SH3D21: variants seen among roughly 807,000 people sequenced by gnomAD.
The protein encoded by SH3D21 is manchette microtubule inner protein 1.
SH3D21 carries 83 observed loss-of-function variants against 82.1 expected under a neutral mutation model. The ratio of observed to expected loss-of-function variants is 1.01; its 90% CI spans 0.85 to 1.21. The LOEUF (loss-of-function observed/expected upper bound fraction) is 1.21, where lower values mean the gene tolerates loss of function less well. SH3D21 is among the 50% of genes most tolerant of loss of function. SH3D21 has a pLI of 0.00. For missense variants in SH3D21, 980 were observed against 962.1 expected, an observed-to-expected ratio of 1.02 and a Z score of -0.25; for synonymous variants, 383 against 387.8, an observed-to-expected ratio of 0.99 and a Z score of 0.15.
chr1:36,321,923 T>A, downstream of SH3D21: 1 of 994,874 alleles, frequency 1.0e-6, no homozygotes, highest in South Asian at 4.3e-5. The surrounding 1 kb of genome is among the most constrained non-coding windows in gnomAD (Gnocchi z 6.1). Flanking sequence ...TGGGTGGGGG[T>A]GGTGCAGCTA....
At chr1:36,315,354 T>G (rs1327922733) in intron 10 of SH3D21, among the ~76,000 whole-genome samples, 1 of 151,970 alleles carries the variant, frequency 6.6e-6, no homozygotes, top group Non-Finnish European at 1.5e-5. Flanking sequence ...GGATTTTTCT[T>G]TTTCTTTTGC....
At chr1:36,315,910 C>T (rs944464331) in intron 10 of SH3D21, among the ~76,000 whole-genome samples, 4 of 152,210 alleles carry the variant, frequency 2.6e-5, no homozygotes, top group Admixed American at 2.6e-4. Flanking sequence ...ATTTCTTTTT[C>T]AAGAATGCTA....
At chr1:36,322,382 G>A (rs761698911), downstream of SH3D21, 5 of 1,594,764 alleles carry the variant, frequency 3.1e-6, no homozygotes, top group South Asian at 1.1e-5. Context: ...GCTGCCCGGT[G>A]CGCCAGATCT....
downstream of SH3D21, chr1:36,321,466 CG>C: frequency 9.8e-7 from 1 of 1,025,106 alleles, no homozygotes; most frequent in East Asian, 5.0e-5. The surrounding 1 kb of genome is among the most constrained non-coding windows in gnomAD (Gnocchi z 6.1). Flanking sequence ...CAGGCGGGGT[CG>C]GGCTCTTGAC....
chr1:36,322,899 G>A (rs1385786924), downstream of SH3D21: 2 of 1,575,182 alleles, frequency 1.3e-6, no homozygotes, highest in African/African-American at 1.4e-5. Context: ...GGACGGACAA[G>A]GCGCTGGGGA....
Position 36,320,785 on chromosome 1 carries a change from G to A in SH3D21, c.2122G>A (p.Glu708Lys). ...ESLRRALELM[E>K]VQLERKLTDI... ...TCTAAGGAGGGCGCTGGAGCTGATG[G>A]AGGTGCAGCTGGAGTGAGTGGGCAG... The change falls in exon 14 of 16, where the codon GAG (glutamate) becomes AAG (lysine). Residue 708 changes from glutamate to lysine, a missense_variant. Physicochemically the swap from Glu to Lys is moderately conservative, Grantham distance 56. Coordinates refer to ENST00000453908, the MANE Select transcript of SH3D21 (RefSeq NM_001162530.2). 6.4e-7 allele frequency: 1 copy of A among 1,572,010 alleles called. No individual in the cohort carries two copies. The highest frequency in any genetic ancestry group is 8.6e-7 in the Non-Finnish European group (1 of 1,158,474).
In SH3D21 at chr1:36,319,952, A is replaced by C. The variant is rs573685250; in HGVS notation, c.1289A>C (p.Glu430Ala). 2 of 1,614,126 alleles carry C rather than the reference A, an allele frequency of 1.2e-6. No individual in the cohort carries two copies. The highest frequency in any genetic ancestry group is 1.7e-6 in the Non-Finnish European group (2 of 1,180,020). ...VTPEDKASIPENSIIPEETLT... is the reference protein window; with the variant it reads ...VTPEDKASIPANSIIPEETLT... ...CCGGAGGACAAGGCTTCTATCCCAG[A>C]GAACTCCATCATCCCAGAGGAGACC... Residue 430 changes from glutamate (E) to alanine (A), a missense_variant, in exon 14 of 16, where the codon GAG (glutamate) becomes GCG (alanine). By Grantham distance (107) the Glu-to-Ala change is moderately radical. Coordinates refer to ENST00000453908, the MANE Select transcript of SH3D21 (RefSeq NM_001162530.2).
At chr1:36,321,391 G>A (rs895454089), downstream of SH3D21, 10 of 1,350,230 alleles carry the variant, frequency 7.4e-6, no homozygotes, top group African/African-American at 1.3e-4. The surrounding 1 kb of genome is among the most constrained non-coding windows in gnomAD (Gnocchi z 6.1). Flanking sequence ...GATGGTGAGG[G>A]GCGGGGGAGG....
In SH3D21 at chr1:36,307,155, G is replaced by T; in HGVS notation, c.227-12G>T. On this transcript the variant is annotated splice_polypyrimidine_tract_variant and intron_variant, in intron 3 of 15. Coordinates refer to ENST00000453908, the MANE Select transcript of SH3D21 (RefSeq NM_001162530.2). The surrounding 1 kb of genome is among the most constrained non-coding windows in gnomAD (Gnocchi z 5.4). ...GTCCGACTGGAGCTCAGCCGCGCTT[G>T]TCCGGTGCTAGGTCATCCTGCCAAA... The T allele has an allele frequency of 6.4e-7, 1 of 1,551,480 alleles. No homozygotes were observed. Among genetic ancestry groups the T allele is most frequent in the Non-Finnish European group, 8.7e-7 (1 of 1,146,906 alleles).
At chr1:36,329,541 C>G (rs990161417), downstream of SH3D21, among the ~76,000 whole-genome samples, 5 of 152,166 alleles carry the variant, frequency 3.3e-5, no homozygotes, top group African/African-American at 1.2e-4. Context: ...CTGGCGCCAC[C>G]CTTGTAACTG....
rs1166774720 is a variant in SH3D21 at position 36,306,731 on chromosome 1, C to T, written c.138C>T (p.Gly46=). ...GCGGAGAGTTTGGGGGCCGCTATGG[C>T]CTCTTCCCCGAGCGCCTGGTGCAGG... ...WLRGEFGGRY[G]LFPERLVQEI... is the part of the protein sequence containing the mutation. The change falls in exon 2 of 16, where the codon GGC becomes GGT. Residue 46 remains glycine (G), a synonymous_variant. Coordinates refer to ENST00000453908, the MANE Select transcript of SH3D21 (RefSeq NM_001162530.2). This position sits in a 1 kb window ranked among gnomAD's most constrained non-coding sequence, Gnocchi z 4.5. 1.3e-5 allele frequency: 17 copies of T among 1,289,922 alleles called. No homozygotes were observed. The highest frequency in any genetic ancestry group is 7.0e-5 in the Admixed American group (3 of 43,060). 79.9% of individuals were successfully genotyped at this position (1,289,922 alleles called of 1,614,324 possible).
chr1:36,327,993 T>C, downstream of SH3D21: 1 of 665,438 alleles, frequency 1.5e-6, no homozygotes, highest in Non-Finnish European at 2.4e-6. Flanking sequence ...TCATCCCAAC[T>C]ATCCACCTGC....
At chr1:36,327,170 G>C (rs1430138872), downstream of SH3D21, among the ~76,000 whole-genome samples, 3 of 109,450 alleles carry the variant, frequency 2.7e-5, 1 homozygote, top group South Asian at 1.1e-3. Flanking sequence ...TGGGCTGAGA[G>C]GTGAAGATGA....
downstream of SH3D21, chr1:36,324,079 C>T (rs1310578091): frequency 6.6e-6 from 1 of 152,312 alleles, no homozygotes; most frequent in Non-Finnish European, 1.5e-5. Flanking sequence ...GGCAAAGCTG[C>T]TTCTCTTCCC....
chr1:36,320,678 T>C lies in SH3D21; in HGVS notation c.2015T>C (p.Leu672Pro). ...CCAGACTCCCAAGAGACGCTCGCGC[T>C]CCCCTCGCTGGTCCCGCAAAACTAC... ...PPPDSQETLA[L>P]PSLVPQNYTE... The change falls in exon 14 of 16, where the codon CTC becomes CCC. Residue 672 changes from leucine (L) to proline (P), a missense_variant. By Grantham distance (98) the Leu-to-Pro change is moderately conservative (BLOSUM62 -3). Coordinates refer to ENST00000453908, the MANE Select transcript of SH3D21 (RefSeq NM_001162530.2). 6.2e-7 allele frequency: 1 copy of C among 1,614,126 alleles called. No individual in the cohort carries two copies. The highest frequency in any genetic ancestry group is 1.1e-5 in the South Asian group (1 of 91,078).
rs921272243 is a variant in SH3D21, at chr1:36,307,009, T to G, written c.226+104T>G. ...GACGGGCGCGGCTCTGGGCGGGACCTCGGGGCCGCCCTGCGGTCTGTGATT... is the reference window on the plus strand; with the variant it reads ...GACGGGCGCGGCTCTGGGCGGGACCGCGGGGCCGCCCTGCGGTCTGTGATT... On this transcript the variant is annotated intron_variant, in intron 3 of 15. Coordinates refer to ENST00000453908, the MANE Select transcript of SH3D21 (RefSeq NM_001162530.2). This position sits in a 1 kb window ranked among gnomAD's most constrained non-coding sequence, Gnocchi z 5.4. 8 of 1,411,276 alleles carry G rather than the reference T, an allele frequency of 5.7e-6. No individual in the cohort carries two copies. The South Asian group carries it at 1.0e-4, about 18-fold the overall frequency. 87.4% of individuals were successfully genotyped at this position (1,411,276 alleles called of 1,614,324 possible). A position where few individuals can be genotyped will look rare whatever the true frequency, so the allele number is the denominator to read the frequency against.
Position 36,321,049 on chromosome 1 carries a change from CGACCAG to C in SH3D21, c.2200-5_2200del. On this transcript the variant is annotated splice_acceptor_variant and splice_polypyrimidine_tract_variant and intron_variant, in intron 15 of 15. Transcript: ENST00000453908. LOFTEE classifies it high-confidence loss of function. The surrounding 1 kb of genome is among the most constrained non-coding windows in gnomAD (Gnocchi z 6.1). The stretch of plus-strand genomic sequence containing the variant: ...CCTGACAAAGTCTCCACCTCACTCC[CGACCAG>C]GTCCAGGTGATGCAGGGGACCCAGA... 1 of 1,610,102 alleles carries C rather than the reference CGACCAG, an allele frequency of 6.2e-7. No homozygotes were observed.
intron 13 of SH3D21, 61 bp downstream of exon 13, chr1:36,319,597 G>T: frequency 1.3e-6 from 2 of 1,550,430 alleles, no homozygotes; most frequent in Non-Finnish European, 1.7e-6. Context: ...CCCAGCTGTG[G>T]TGTGCACGGG....
At position 36,306,896 on chromosome 1, in the gene SH3D21, C is replaced by T. The variant is rs1251356937; in HGVS notation, c.217C>T (p.Arg73Cys). 8 of 1,314,618 alleles carry T rather than the reference C, an allele frequency of 6.1e-6. No individual in the cohort carries two copies. The highest frequency in any genetic ancestry group is 8.0e-6 in the Non-Finnish European group (8 of 1,005,950). 81.4% of individuals were successfully genotyped at this position (1,314,618 alleles called of 1,614,324 possible). The change falls in exon 3 of 16, where the codon CGC becomes TGC. Residue 73 changes from arginine (R) to cysteine (C), a missense_variant. By Grantham distance (180) the Arg-to-Cys change is radical. Transcript: ENST00000453908. The surrounding 1 kb of genome is among the most constrained non-coding windows in gnomAD (Gnocchi z 4.5). ...AGAGGCGCGGAGGCCGCGCTGTGCG[C>T]GCCGCCGAGGTGAGCGCAAGGGCGG... ...SGEARRPRCA[R>C]RRGHPAKHPR...
Sources: gnomAD v4.1 joint callset for allele counts (sites outside exome capture counted in the v4.1 genomes callset) on GRCh38, gnomAD v4.1.1 for gene constraint, Gnocchi (gnomAD v3.1) non-coding constraint, MANE v1.5 for transcripts, NCBI Gene and HGNC (gene_info 2026-07-23, HGNC 2026-07-21) for gene names.